The following GALNT2 variants were observed in gnomAD, a reference collection of about 807,000 sequenced individuals.
The protein encoded by GALNT2 is UDP-GalNAc:polypeptide N-acetylgalactosaminyltransferase 2.
GALNT2 carries 31 observed loss-of-function variants against 81.4 expected under a neutral mutation model. That is an observed-to-expected ratio of 0.38 (90% CI 0.29 to 0.51). The LOEUF (loss-of-function observed/expected upper bound fraction) is 0.51, where lower values mean the gene tolerates loss of function less well. Among genes scored for constraint, GALNT2 ranks in the 20% least tolerant of loss-of-function variants. The pLI, the probability that GALNT2 is intolerant of heterozygous loss-of-function variation, is 0.87. For missense variants in GALNT2, 629 were observed against 765.7 expected, an observed-to-expected ratio of 0.82 and a Z score of 2.11; for synonymous variants, 303 against 287.4, an observed-to-expected ratio of 1.05 and a Z score of -0.55.
intron 1 of GALNT2, among the ~76,000 whole-genome samples, chr1:230,059,622 T>C (rs777970473): frequency 3.3e-5 from 5 of 152,214 alleles, no homozygotes; most frequent in Non-Finnish European, 7.3e-5. Flanking sequence ...TTTCTGCCTT[T>C]TATCTAATCA....
intron 3 of GALNT2, among the ~76,000 whole-genome samples, chr1:230,207,061 T>C (rs1664078749): frequency 6.6e-6 from 1 of 151,806 alleles, no homozygotes; most frequent in African/African-American, 2.4e-5. Flanking sequence ...TTTTACTTAT[T>C]TTTTTCTTCC....
intron 1 of GALNT2, among the ~76,000 whole-genome samples, chr1:230,163,700 C>A (rs1028325819): frequency 6.6e-6 from 1 of 152,182 alleles, no homozygotes; most frequent in Admixed American, 6.5e-5. Flanking sequence ...TCAAATGAGA[C>A]GAAGTGTGTG....
chr1:230,197,382 G>A (rs11808224), intron 2 of GALNT2, among the ~76,000 whole-genome samples: 1 of 151,904 alleles, frequency 6.6e-6, no homozygotes, highest in Non-Finnish European at 1.5e-5. Flanking sequence ...GTGCCCACAG[G>A]ACCCCCATAA....
chr1:230,163,930 G>A (rs539104188), intron 1 of GALNT2, among the ~76,000 whole-genome samples: 1 of 152,180 alleles, frequency 6.6e-6, no homozygotes, highest in African/African-American at 2.4e-5. Context: ...ACTGGCCGGG[G>A]GTGGTGGATG....
At chr1:230,087,279 C>T (rs1220591781) in intron 1 of GALNT2, among the ~76,000 whole-genome samples, 2 of 152,196 alleles carry the variant, frequency 1.3e-5, no homozygotes, top group Non-Finnish European at 2.9e-5. Flanking sequence ...ATCTGATGAC[C>T]GGTACTAATT....
upstream of GALNT2, among the ~76,000 whole-genome samples, chr1:230,062,629 G>C (rs866620018): frequency 6.6e-6 from 1 of 152,064 alleles, no homozygotes; most frequent in Non-Finnish European, 1.5e-5. Context: ...TTTGTGTCTC[G>C]CTCATTTCAT....
chr1:230,101,799 G>A (rs1270031766), intron 1 of GALNT2, among the ~76,000 whole-genome samples: 4 of 152,160 alleles, frequency 2.6e-5, no homozygotes, highest in African/African-American at 4.8e-5. Context: ...ATCATGAAAC[G>A]TATAAGATGG....
intron 8 of GALNT2, among the ~76,000 whole-genome samples, chr1:230,248,207 A>G (rs570129027): frequency 2.0e-5 from 3 of 152,348 alleles, no homozygotes; most frequent in South Asian, 4.1e-4. Flanking sequence ...TGGGGCTGTC[A>G]GGGCGGACAG....
rs1031044436 is a variant in GALNT2 at position 230,275,865 on chromosome 1, T to A, written c.1560+1301T>A. Among the ~76,000 whole-genome samples, 4 of 151,326 alleles carry A rather than the reference T, an allele frequency of 2.6e-5. No homozygotes were observed. Among genetic ancestry groups the A allele is most frequent in the African/African-American group, 9.7e-5 (4 of 41,128 alleles). ...TATACATGCCACATAGATATACATA[T>A]ATAAATGCCACAGATATATACATAT... On this transcript the variant is annotated intron_variant, in intron 15 of 15. Coordinates refer to ENST00000366672, the MANE Select transcript of GALNT2 (RefSeq NM_004481.5). This position sits in a 1 kb window ranked among gnomAD's most constrained non-coding sequence, Gnocchi z 5.5.
At chr1:230,066,103 T>A (rs1659167203), upstream of GALNT2, among the ~76,000 whole-genome samples, 1 of 152,266 alleles carries the variant, frequency 6.6e-6, no homozygotes, top group Admixed American at 6.5e-5. Context: ...TGGCATTCTC[T>A]CTAAGTAATG....
chr1:230,188,877 G>A (rs182889272), intron 2 of GALNT2, among the ~76,000 whole-genome samples: 7 of 152,016 alleles, frequency 4.6e-5, no homozygotes, highest in Admixed American at 3.3e-4. Context: ...TTTTCCCCTT[G>A]GTGTGGAAAA....
intron 1 of GALNT2, among the ~76,000 whole-genome samples, chr1:230,104,360 T>C (rs1660480295): frequency 6.6e-6 from 1 of 152,160 alleles, no homozygotes; most frequent in South Asian, 2.1e-4. Flanking sequence ...TTTTCCATGG[T>C]GGTGCAGTAG....
At chr1:230,266,005 G>A (rs746788792) in intron 14 of GALNT2, among the ~76,000 whole-genome samples, 85 of 152,108 alleles carry the variant, frequency 5.6e-4, no homozygotes, top group Admixed American at 9.2e-4. Context: ...CAGCCTGGCC[G>A]ACATGGTGAA....
intron 3 of GALNT2, among the ~76,000 whole-genome samples, chr1:230,220,061 T>A (rs1664500095): frequency 6.6e-6 from 1 of 152,248 alleles, no homozygotes; most frequent in Non-Finnish European, 1.5e-5. Flanking sequence ...TCTAGAGAGC[T>A]ATTAATGACA....
rs138736764 is a variant in GALNT2, at chr1:230,080,366, T to C, written c.126+12960T>C. ...GAGCTTTCTGCAGAAATTCGAGTCCTGTTGACCCAGGGAGCAGGCCTTGAC... is the reference window on the plus strand; with the variant it reads ...GAGCTTTCTGCAGAAATTCGAGTCCCGTTGACCCAGGGAGCAGGCCTTGAC... On this transcript the variant is annotated intron_variant, in intron 1 of 15. Coordinates refer to ENST00000366672, the MANE Select transcript of GALNT2 (RefSeq NM_004481.5). 4.6e-5 allele frequency among the ~76,000 whole-genome samples: 7 copies of C among 152,302 alleles called. No homozygotes were observed. The East Asian group carries it at 1.4e-3, about 29-fold the overall frequency.
intron 6 of GALNT2, among the ~76,000 whole-genome samples, chr1:230,241,975 A>G (rs1665214546): frequency 6.6e-6 from 1 of 152,194 alleles, no homozygotes. Context: ...TGTGTGGTTC[A>G]GAAGTCAGCC....
At chr1:230,195,135 C>T (rs73114017) in intron 2 of GALNT2, among the ~76,000 whole-genome samples, 2 of 152,314 alleles carry the variant, frequency 1.3e-5, no homozygotes, top group African/African-American at 2.4e-5. Flanking sequence ...TCTCCAAGTC[C>T]GGACCAAGGT....
At chr1:230,149,301 G>A (rs1229757459) in intron 1 of GALNT2, among the ~76,000 whole-genome samples, 2 of 152,148 alleles carry the variant, frequency 1.3e-5, no homozygotes, top group African/African-American at 4.8e-5. Flanking sequence ...ACATTGCGAG[G>A]CCACCTAGAT....
chr1:230,095,777 G>A (rs1660237587), intron 1 of GALNT2, among the ~76,000 whole-genome samples: 1 of 152,220 alleles, frequency 6.6e-6, no homozygotes, highest in Non-Finnish European at 1.5e-5. Flanking sequence ...CCCCACCTGG[G>A]TCCCCTGGGG....
Sources: gnomAD v4.1 joint callset for allele counts (sites outside exome capture counted in the v4.1 genomes callset) on GRCh38, gnomAD v4.1.1 for gene constraint, Gnocchi (gnomAD v3.1) non-coding constraint, MANE v1.5 for transcripts, NCBI Gene and HGNC (gene_info 2026-07-23, HGNC 2026-07-21) for gene names.